ECHDC2: variants seen among roughly 807,000 people sequenced by gnomAD.
The protein encoded by ECHDC2 is enoyl-CoA hydratase domain-containing protein 2, mitochondrial.
ECHDC2 carries 34 observed loss-of-function variants against 40.6 expected under a neutral mutation model. That is an observed-to-expected ratio of 0.84 (90% confidence interval 0.64 to 1.11). ECHDC2 has a LOEUF of 1.11. Among genes scored for constraint, ECHDC2 ranks in the 50% most tolerant of loss-of-function variants. The pLI is 0.00. For synonymous variants in ECHDC2, 162 were observed against 166.6 expected, an observed-to-expected ratio of 0.97 and a Z score of 0.21; for missense variants, 392 against 400.7, an observed-to-expected ratio of 0.98 and a Z score of 0.19.
Position 52,896,391 on chromosome 1 carries a change from CAT to C in ECHDC2, c.*127_*128del. 3.8e-6 allele frequency: 3 copies of C among 791,416 alleles called. No homozygotes were observed. Among genetic ancestry groups the C allele is most frequent in the Non-Finnish European group, 6.6e-6 (3 of 455,652 alleles). The allele number at this position is 791,416 out of a possible 1,614,324, so 49.0% of individuals were successfully genotyped here. The stretch of plus-strand genomic sequence containing the variant: ...GGCATCACGCCAGTCATTTTATTTC[CAT>C]CATCATCCTTGTGAAGAAATGGAAG... On this transcript the variant is annotated 3_prime_UTR_variant, in exon 10 of 10. Transcript: ENST00000371522.
intron 7 of ECHDC2, chr1:52,900,296 AAG>A (rs1557478256): frequency 6.6e-6 from 1 of 152,166 alleles, no homozygotes; most frequent in African/African-American, 2.4e-5. Context: ...AGAAAAGTAA[AAG>A]AGTATGCCAC....
intron 7 of ECHDC2, among the ~76,000 whole-genome samples, chr1:52,903,628 G>A (rs908075839): frequency 9.9e-5 from 15 of 151,612 alleles, no homozygotes; most frequent in Admixed American, 2.0e-4. Flanking sequence ...GGCCCGTCAC[G>A]GTGGTTCATG....
intron 1 of ECHDC2, chr1:52,913,931 TC>T: frequency 8.6e-7 from 1 of 1,162,858 alleles, no homozygotes; most frequent in East Asian, 6.3e-5. Context: ...TCACTGCTTC[TC>T]TTCTGCCCAA....
intron 1 of ECHDC2, among the ~76,000 whole-genome samples, chr1:52,921,116 C>A (rs1435062599): frequency 1.3e-5 from 2 of 152,168 alleles, no homozygotes; most frequent in Non-Finnish European, 2.9e-5. Context: ...GGCGGGCGCG[C>A]GGCTGGAGAG....
chr1:52,910,850 G>T (rs1018952562), intron 3 of ECHDC2, among the ~76,000 whole-genome samples: 4 of 152,186 alleles, frequency 2.6e-5, no homozygotes, highest in African/African-American at 9.7e-5. Flanking sequence ...GACCGTGGTG[G>T]GGTCCTCAAA....
At chr1:52,911,846 T>C (rs191475475) in intron 1 of ECHDC2, 56 bp from the exon 2 acceptor site, 1 of 1,601,630 alleles carries the variant, frequency 6.2e-7, no homozygotes, top group Non-Finnish European at 8.5e-7. Context: ...AATCCTGGGC[T>C]GCGGGCTGGG....
At position 52,906,563 on chromosome 1, in the gene ECHDC2, C is replaced by A. The variant is rs762110173; in HGVS notation, c.413G>T (p.Gly138Val). 1.2e-6 allele frequency: 2 copies of A among 1,612,676 alleles called. No individual in the cohort carries two copies. The highest frequency in any genetic ancestry group is 1.7e-6 in the Non-Finnish European group (2 of 1,179,812). The stretch of plus-strand genomic sequence containing the variant: ...GGCCAGGGCAAGCTCTAGGCCTCCG[C>A]CCAAGGCAAACCCATCCATAGCCGC... Reference protein sequence around the residue: ...TIAAMDGFALGGGLELALACD... With the variant: ...TIAAMDGFALVGGLELALACD... The change falls in exon 5 of 10, where the codon GGC becomes GTC. Residue 138 changes from glycine (G) to valine (V), a missense_variant. Gly to Val is a moderately radical substitution (Grantham distance 109, BLOSUM62 -3). Coordinates refer to ENST00000371522, the MANE Select transcript of ECHDC2 (RefSeq NM_001198961.2).
chr1:52,921,470 C>A (rs758958659), intron 1 of ECHDC2, 83 bp downstream of exon 1: 31 of 1,499,044 alleles, frequency 2.1e-5, no homozygotes, highest in Non-Finnish European at 2.6e-5. Flanking sequence ...CTTCAACGCA[C>A]TGAGCGGCCC....
At position 52,921,634 on chromosome 1, in the gene ECHDC2, G is replaced by A. The variant is rs1003278019; in HGVS notation, c.40C>T (p.Leu14Phe). The change falls in exon 1 of 10, where the codon CTT becomes TTT. Residue 14 changes from leucine (L) to phenylalanine (F), a missense_variant. By Grantham distance (22) the Leu-to-Phe change is conservative (BLOSUM62 0). Transcript: ENST00000371522. ...VLCLLRPWRPLRARGCASDGA... is the reference protein window; with the variant it reads ...VLCLLRPWRPFRARGCASDGA... ...TCGGAAGCGCAGCCGCGGGCCCGAA[G>A]GGGCCTCCAGGGGCGCAGGAGGCAC... 8 of 1,586,464 alleles carry A rather than the reference G, an allele frequency of 5.0e-6. No homozygotes were observed. The highest frequency in any genetic ancestry group is 6.9e-6 in the Non-Finnish European group (8 of 1,167,820).
chr1:52,906,751 G>T, intron 4 of ECHDC2, 140 bp from the exon 5 acceptor site: 3 of 554,756 alleles, frequency 5.4e-6, no homozygotes, highest in Non-Finnish European at 9.7e-6. Flanking sequence ...ACCTCAGCCA[G>T]GTTATCTTAA....
chr1:52,903,175 T>C (rs927505135), intron 7 of ECHDC2, among the ~76,000 whole-genome samples: 3 of 152,100 alleles, frequency 2.0e-5, no homozygotes, highest in Non-Finnish European at 4.4e-5. Context: ...GGTAGGGTTG[T>C]ACCTGGGCAG....
At chr1:52,911,488 G>T in intron 3 of ECHDC2, 78 bp downstream of exon 3, 1 of 1,391,458 alleles carries the variant, frequency 7.2e-7, no homozygotes, top group Non-Finnish European at 1.0e-6. Context: ...TGCTGAAGCT[G>T]ATCTAAGGTT....
At chr1:52,903,286 G>T (rs1434176860) in intron 7 of ECHDC2, among the ~76,000 whole-genome samples, 2 of 152,054 alleles carry the variant, frequency 1.3e-5, no homozygotes, top group Non-Finnish European at 1.5e-5. Context: ...TAGATTTTAG[G>T]GAACAGGTGG....
At chr1:52,912,551 T>C (rs1222284398) in intron 1 of ECHDC2, among the ~76,000 whole-genome samples, 3 of 151,890 alleles carry the variant, frequency 2.0e-5, no homozygotes, top group Non-Finnish European at 4.4e-5. Context: ...TTTGAGGAGT[T>C]ATGATAAGGC....
intron 7 of ECHDC2, chr1:52,901,835 T>C (rs1484572517): frequency 6.6e-6 from 1 of 152,152 alleles, no homozygotes; most frequent in Non-Finnish European, 1.5e-5. Context: ...GTGATTGTTA[T>C]TTAGTTAAGG....
In ECHDC2 at chr1:52,914,285, G is replaced by A. The variant is rs547625601; in HGVS notation, c.122-2495C>T. 6.6e-6 allele frequency among the ~76,000 whole-genome samples: 1 copy of A among 152,304 alleles called. No individual in the cohort carries two copies. Among genetic ancestry groups the A allele is most frequent in the South Asian group, 2.1e-4 (1 of 4,822 alleles). ...GAGAGTAGGAATTGGCCAGGCAAAA[G>A]ATGTAAGAGTGCATGTGTGCATGTA... On this transcript the variant is annotated intron_variant, in intron 1 of 9. Transcript: ENST00000371522. The surrounding 1 kb of genome is among the most constrained non-coding windows in gnomAD (Gnocchi z 4.0).
chr1:52,897,426 T>C lies in ECHDC2; in HGVS notation c.801+11A>G. The C allele has an allele frequency of 6.2e-7, 1 of 1,614,090 alleles. No homozygotes were observed. The highest frequency in any genetic ancestry group is 8.5e-7 in the Non-Finnish European group (1 of 1,179,936). On this transcript the variant is annotated intron_variant, in intron 9 of 9. Transcript: ENST00000371522. ...ATGTTAACAAGCAGGCATGGGCTGG[T>C]TGCTACATACCTGGGCATAGCACAT...
chr1:52,897,131 C>CT, intron 9 of ECHDC2: 1 of 470,270 alleles, frequency 2.1e-6, no homozygotes, highest in South Asian at 2.8e-5. Context: ...CCATCCTGAA[C>CT]TTTACAGTGG....
In ECHDC2 at chr1:52,904,783, G is replaced by C; in HGVS notation, c.565C>G (p.Leu189Val). ...RCLGVALAKE[L>V]IFTGRRLSGT... The stretch of plus-strand genomic sequence containing the variant: ...CTCAGTCGTCGGCCCGTGAAGATGA[G>C]CTCCTTCGCCAGGGCCACCCCCAGA... The change falls in exon 7 of 10, where the codon CTC becomes GTC. Residue 189 changes from leucine to valine, a missense_variant. Physicochemically the swap from Leu to Val is conservative, Grantham distance 32 (BLOSUM62 1). Transcript: ENST00000371522. 6.2e-7 allele frequency: 1 copy of C among 1,613,132 alleles called. No homozygotes were observed. Among genetic ancestry groups the C allele is most frequent in the Non-Finnish European group, 8.5e-7 (1 of 1,179,970 alleles).
Sources: gnomAD v4.1 joint callset for allele counts (sites outside exome capture counted in the v4.1 genomes callset) on GRCh38, gnomAD v4.1.1 for gene constraint, Gnocchi (gnomAD v3.1) non-coding constraint, MANE v1.5 for transcripts, NCBI Gene and HGNC (gene_info 2026-07-23, HGNC 2026-07-21) for gene names.